SNRPN: variants seen among roughly 807,000 people sequenced by gnomAD.
The protein encoded by SNRPN is small nuclear ribonucleoprotein polypeptide N, also known as small nuclear ribonucleoprotein-associated protein N.
A neutral mutation model predicts 25.2 loss-of-function variants in SNRPN; 7 were observed. The ratio of observed to expected loss-of-function variants is 0.28; its 90% confidence interval spans 0.16 to 0.52. The LOEUF is 0.52. SNRPN is among the 20% of genes least tolerant of loss of function. The pLI is 0.96. For synonymous variants in SNRPN, 124 were observed against 110.6 expected (o/e 1.12, Z -0.76); for missense variants, 196 against 322.5 (o/e 0.61, Z 3.00).
At chr15:24,856,302 TAGAC>T (rs1398594377), upstream of SNRPN, among the ~76,000 whole-genome samples, 3 of 152,224 alleles carry the variant, frequency 2.0e-5, no homozygotes, top group African/African-American at 7.2e-5. Context: ...TTGTGAATCT[TAGAC>T]AACCCCCACA....
chr15:24,885,356 A>G (rs1422581983), intron 1 of SNRPN, among the ~76,000 whole-genome samples: 2 of 152,316 alleles, frequency 1.3e-5, no homozygotes, highest in Middle Eastern at 3.4e-3. Context: ...TCCTGCTTCC[A>G]TAACAGTGGG....
chr15:24,896,512 C>G (rs986833692), intron 2 of SNRPN, among the ~76,000 whole-genome samples: 1 of 151,376 alleles, frequency 6.6e-6, no homozygotes, highest in Non-Finnish European at 1.5e-5. Flanking sequence ...AGATCGAGAC[C>G]CCCCCGCCGG....
At chr15:24,836,241 C>T (rs1232555958) in intron 2 of SNRPN, among the ~76,000 whole-genome samples, 1 of 152,000 alleles carries the variant, frequency 6.6e-6, no homozygotes, top group Non-Finnish European at 1.5e-5. Flanking sequence ...CCTTAATGAC[C>T]TCATTTACCT....
At chr15:24,909,684 G>C (rs2152061186) in intron 2 of SNRPN, 1 of 1,242,606 alleles carries the variant, frequency 8.0e-7, no homozygotes, top group South Asian at 1.2e-5. Context: ...CTGTATTTGA[G>C]TGTGTTGTAT....
At chr15:24,898,337 C>T (rs1199710200) in intron 2 of SNRPN, among the ~76,000 whole-genome samples, 1 of 152,160 alleles carries the variant, frequency 6.6e-6, no homozygotes, top group Admixed American at 6.5e-5. Flanking sequence ...CGCCTGTAAT[C>T]GCAGCACTTT....
rs1045680311 is a variant in SNRPN, at chr15:24,872,453, A to T, written c.-578-14063A>T. On this transcript the variant is annotated intron_variant, in intron 1 of 11. Coordinates refer to the SNRPN transcript ENST00000400097. ...GTCAAAAATACATTTTTTTTTGGAA[A>T]ATATAGTTTAGGCTGGGCGCAGTGG... Among the ~76,000 whole-genome samples, 2 of 120,502 alleles carry T rather than the reference A, an allele frequency of 1.7e-5. 1 individual carries two copies. The highest frequency in any genetic ancestry group is 5.7e-5 in the African/African-American group (2 of 35,046). 79.1% of individuals were successfully genotyped at this position (120,502 alleles called of 152,430 possible). A position where few individuals can be genotyped will look rare whatever the true frequency, so the allele number is the denominator to read the frequency against.
rs190397280 is a variant in SNRPN, at chr15:24,826,563, T to C, written c.-687+2713T>C. ...TTGGATTCATACCTTCTGAAATTACTTGACGATTACTGTGTCTCTGGTTAT... is the reference window on the plus strand; with the variant it reads ...TTGGATTCATACCTTCTGAAATTACCTGACGATTACTGTGTCTCTGGTTAT... On this transcript the variant is annotated intron_variant, in intron 1 of 12. Coordinates refer to the SNRPN transcript ENST00000400100. 1.2e-4 allele frequency among the ~76,000 whole-genome samples: 18 copies of C among 152,272 alleles called. No individual in the cohort carries two copies. In the East Asian group the frequency reaches 2.9e-3, roughly 24 times the overall value.
chr15:24,834,083 A>G (rs917158895), intron 2 of SNRPN, among the ~76,000 whole-genome samples: 1 of 151,808 alleles, frequency 6.6e-6, no homozygotes, highest in Non-Finnish European at 1.5e-5. Context: ...CTGCCACCAC[A>G]CCCAGCTAAT....
At chr15:24,837,524 A>G (rs1275593408) in intron 2 of SNRPN, among the ~76,000 whole-genome samples, 1 of 150,936 alleles carries the variant, frequency 6.6e-6, no homozygotes, top group Non-Finnish European at 1.5e-5. Context: ...GCCCACCACC[A>G]TGCCTGGCTA....
chr15:24,905,310 AC>A (rs1232873514), intron 2 of SNRPN, among the ~76,000 whole-genome samples: 1 of 151,802 alleles, frequency 6.6e-6, no homozygotes, highest in Non-Finnish European at 1.5e-5. Context: ...GCAGTTCGAG[AC>A]CAGCCTGGCC....
At chr15:24,862,217 A>G (rs575051197) in intron 1 of SNRPN, among the ~76,000 whole-genome samples, 1 of 151,370 alleles carries the variant, frequency 6.6e-6, no homozygotes, top group East Asian at 1.9e-4. Flanking sequence ...TATCAAGGGA[A>G]CCATATTAAT....
chr15:24,881,184 G>C (rs2056551849), intron 1 of SNRPN, among the ~76,000 whole-genome samples: 1 of 152,036 alleles, frequency 6.6e-6, no homozygotes, highest in Admixed American at 6.6e-5. Flanking sequence ...GGGAATTCAA[G>C]CATATGGAGG....
At chr15:24,870,730 T>G (rs887653184) in intron 1 of SNRPN, among the ~76,000 whole-genome samples, 1 of 151,998 alleles carries the variant, frequency 6.6e-6, no homozygotes, top group African/African-American at 2.4e-5. Flanking sequence ...CTTCCTTTAG[T>G]GAGGTTATAT....
At position 24,834,751 on chromosome 15, in the gene SNRPN, C is replaced by CTCTCTCTCTCTCTCTATA; in HGVS notation, c.-579+4847_-579+4848insCTCTCTCTCTCTCTATAT. 8.0e-3 allele frequency among the ~76,000 whole-genome samples: 485 copies of CTCTCTCTCTCTCTCTATA among 60,878 alleles called. 4 individuals are homozygous for CTCTCTCTCTCTCTCTATA. The highest frequency in any genetic ancestry group is 9.4e-3 in the East Asian group (25 of 2,664). 39.9% of individuals were successfully genotyped at this position (60,878 alleles called of 152,430 possible). On this transcript the variant is annotated intron_variant, in intron 2 of 12. Transcript: ENST00000400100. ...TCCCTCTCTCTCTCTCTCTCTCTCT[C>CTCTCTCTCTCTCTCTATA]TATATATATATATATATATATATAT...
chr15:24,837,807 C>G (rs1403223437), intron 2 of SNRPN, among the ~76,000 whole-genome samples: 1 of 151,924 alleles, frequency 6.6e-6, no homozygotes, highest in Non-Finnish European at 1.5e-5. Flanking sequence ...TCACTGCAAC[C>G]TCCGCCTCCT....
intron 3 of SNRPN, chr15:24,942,186 T>C (rs1437938278): frequency 6.6e-6 from 1 of 152,188 alleles, no homozygotes; most frequent in African/African-American, 2.4e-5. Flanking sequence ...TATGAGATCA[T>C]GGGGACAGGA....
At chr15:24,870,957 T>C (rs542950188) in intron 1 of SNRPN, among the ~76,000 whole-genome samples, 2 of 151,926 alleles carry the variant, frequency 1.3e-5, no homozygotes, top group African/African-American at 4.8e-5. Context: ...CTTGGCTCAC[T>C]GCAGCCTCCG....
intron 2 of SNRPN, among the ~76,000 whole-genome samples, chr15:24,892,739 CAAAT>C (rs58113225): frequency 0.7 from 104,419 of 150,002 alleles, 36,930 homozygotes; most frequent in African/African-American, 0.84. Context: ...TCCATCTCAA[CAAAT>C]AAATAAATAA....
At chr15:24,917,333 AC>A (rs1159316742) in intron 2 of SNRPN, among the ~76,000 whole-genome samples, 1 of 152,212 alleles carries the variant, frequency 6.6e-6, no homozygotes, top group East Asian at 1.9e-4. Flanking sequence ...TGGATCAAAT[AC>A]TTTTTAAATG....
Sources: allele counts gnomAD v4.1 joint callset (sites outside exome capture counted in the v4.1 genomes callset), GRCh38; gene constraint gnomAD v4.1.1; transcripts MANE v1.5; gene names NCBI Gene and HGNC (gene_info 2026-07-23, HGNC 2026-07-21).